Variants in ANK3 observed in about 807,000 individuals in gnomAD.
ANK3 encodes ankyrin 3, also known as ankyrin-3.
A neutral mutation model predicts 370.9 loss-of-function variants in ANK3; 57 were observed. The ratio of observed to expected loss-of-function variants is 0.15; its 90% confidence interval spans 0.12 to 0.19. The LOEUF (loss-of-function observed/expected upper bound fraction) is 0.19, where lower values mean the gene tolerates loss of function less well. Among genes scored for constraint, ANK3 ranks in the 10% least tolerant of loss-of-function variants. The pLI is 1.00. For missense variants in ANK3, 4,439 were observed against 5,302.1 expected (o/e 0.84, Z 5.06); for synonymous variants, 1,929 against 1,946.3 (o/e 0.99, Z 0.23).
intron 2 of ANK3, among the ~76,000 whole-genome samples, chr10:60,607,750 A>T (rs1222013830): frequency 1.3e-5 from 2 of 152,220 alleles, no homozygotes; most frequent in South Asian, 2.1e-4. Flanking sequence ...TTAGAATGCA[A>T]ATCTAGCAAA....
At chr10:60,349,792 T>A (rs930050984) in intron 1 of ANK3, among the ~76,000 whole-genome samples, 13 of 152,162 alleles carry the variant, frequency 8.5e-5, no homozygotes, top group Admixed American at 7.9e-4. Flanking sequence ...GGCACAAATA[T>A]TCATGGAAGA....
At chr10:60,078,398 G>A (rs979667743) in intron 36 of ANK3, among the ~76,000 whole-genome samples, 1 of 152,072 alleles carries the variant, frequency 6.6e-6, no homozygotes, top group Non-Finnish European at 1.5e-5. Flanking sequence ...GAAATGCCAC[G>A]CTGCAAATGG....
At chr10:60,299,230 G>T (rs913434010) in intron 1 of ANK3, among the ~76,000 whole-genome samples, 1 of 152,016 alleles carries the variant, frequency 6.6e-6, no homozygotes, top group Non-Finnish European at 1.5e-5. Context: ...TTCCATAAAG[G>T]TCACGAAAGG....
intron 2 of ANK3, among the ~76,000 whole-genome samples, chr10:60,455,552 G>A (rs1199829057): frequency 2.0e-5 from 3 of 152,076 alleles, no homozygotes; most frequent in Non-Finnish European, 4.4e-5. Context: ...TATGTTCATT[G>A]TTTAAATAGT....
intron 1 of ANK3, among the ~76,000 whole-genome samples, chr10:60,692,677 C>T (rs375174235): frequency 6.6e-6 from 1 of 152,150 alleles, no homozygotes; most frequent in Non-Finnish European, 1.5e-5. Context: ...CTGCAGTCAA[C>T]TTAATAAGGT....
At chr10:60,081,102 G>A (rs1342987317) in intron 35 of ANK3, among the ~76,000 whole-genome samples, 1 of 152,090 alleles carries the variant, frequency 6.6e-6, no homozygotes, top group Non-Finnish European at 1.5e-5. Context: ...GCAGAGGAGG[G>A]TAGGGACGGA....
chr10:60,141,559 C>CTTTTTTTT lies in ANK3; in HGVS notation c.2615-2473_2615-2472insAAAAAAAA, dbSNP rs2094555559. ...TACACTGGAGAGGCCATTTCAATTG[C>CTTTTTTTT]TGTTTTTTTTTTTTTTTTTTTTTTT... On this transcript the variant is annotated intron_variant, in intron 23 of 43. Transcript: ENST00000280772. Among the ~76,000 whole-genome samples, 2 of 61,162 alleles carry CTTTTTTTT rather than the reference C, an allele frequency of 3.3e-5. 1 individual carries two copies. The highest frequency in any genetic ancestry group is 1.6e-4 in the African/African-American group (2 of 12,696). 40.1% of individuals were successfully genotyped at this position (61,162 alleles called of 152,430 possible). A position where few individuals can be genotyped will look rare whatever the true frequency, so the allele number is the denominator to read the frequency against.
intron 2 of ANK3, among the ~76,000 whole-genome samples, chr10:60,560,070 G>GAA (rs2077299631): frequency 6.6e-6 from 1 of 152,032 alleles, no homozygotes; most frequent in Non-Finnish European, 1.5e-5. Flanking sequence ...GATGGATAGA[G>GAA]AGAGAGAGAG....
intron 1 of ANK3, among the ~76,000 whole-genome samples, chr10:60,353,746 C>T (rs1409593122): frequency 6.6e-6 from 1 of 152,188 alleles, no homozygotes; most frequent in African/African-American, 2.4e-5. Context: ...AAAGATCACA[C>T]GGGCAGTTTT....
intron 2 of ANK3, among the ~76,000 whole-genome samples, chr10:60,471,721 T>C (rs897758591): frequency 6.6e-6 from 1 of 152,126 alleles, no homozygotes; most frequent in Non-Finnish European, 1.5e-5. Context: ...AAGAAATTAA[T>C]AATTTTTTAC....
intron 7 of ANK3, among the ~76,000 whole-genome samples, chr10:60,241,300 G>C (rs764951557): frequency 5.9e-5 from 9 of 152,064 alleles, no homozygotes; most frequent in Admixed American, 5.2e-4. Flanking sequence ...TTTTGAATTT[G>C]ACCTGATTTA....
chr10:60,028,394 G>A lies in ANK3; in HGVS notation c.*1452C>T, dbSNP rs1255437420. On this transcript the variant is annotated 3_prime_UTR_variant, in exon 44 of 44. Coordinates refer to ENST00000280772, the MANE Select transcript of ANK3 (RefSeq NM_020987.5). ...CCAGAAAACACAAGGAGACTGTAGA[G>A]CACAGATAGGTGAAGAGTTTAACAC... 1 of 152,624 alleles carries A rather than the reference G, an allele frequency of 6.6e-6. No homozygotes were observed. The highest frequency in any genetic ancestry group is 2.4e-5 in the African/African-American group (1 of 41,446). The allele number at this position is 152,624 out of a possible 1,614,324, so 9.5% of individuals were successfully genotyped here.
At chr10:60,582,017 A>G (rs2077761206) in intron 2 of ANK3, among the ~76,000 whole-genome samples, 1 of 152,198 alleles carries the variant, frequency 6.6e-6, no homozygotes, top group Admixed American at 6.5e-5. Context: ...AAACTAACAC[A>G]GGAACAGAAA....
chr10:60,339,693 T>C (rs1187779362), intron 1 of ANK3, among the ~76,000 whole-genome samples: 3 of 152,208 alleles, frequency 2.0e-5, no homozygotes, highest in Non-Finnish European at 1.5e-5. Context: ...GTAGCTCTTC[T>C]GATTTGTCCA....
chr10:60,272,804 T>C (rs746180304), intron 4 of ANK3, among the ~76,000 whole-genome samples: 133 of 152,066 alleles, frequency 8.7e-4, no homozygotes, highest in Non-Finnish European at 1.5e-3. Context: ...AAAATAAGTG[T>C]TTTTCTTTCA....
chr10:60,138,175 A>C (rs1028565896), intron 24 of ANK3, among the ~76,000 whole-genome samples: 7 of 152,192 alleles, frequency 4.6e-5, no homozygotes, highest in Non-Finnish European at 7.4e-5. Flanking sequence ...TTAGACAATG[A>C]AACTTTCTAC....
chr10:60,435,178 A>G (rs944465310), intron 2 of ANK3, among the ~76,000 whole-genome samples: 6 of 152,162 alleles, frequency 3.9e-5, no homozygotes, highest in African/African-American at 1.2e-4. Flanking sequence ...ACAAAACAGT[A>G]TAGGATTACG....
At position 60,605,152 on chromosome 10, in the gene ANK3, A is replaced by ACG. The variant is rs565852364; in HGVS notation, c.96+10032_96+10033dup. ...CATTTTAAAAGCTTGAGCCTGGTAAACGTGATCAGTAAACTGAACTGGCAT... is the reference window on the plus strand; with the variant it reads ...CATTTTAAAAGCTTGAGCCTGGTAAACGCGTGATCAGTAAACTGAACTGGCAT... On this transcript the variant is annotated intron_variant, in intron 2 of 43. Coordinates refer to the ANK3 transcript ENST00000373827. Among the ~76,000 whole-genome samples, 261 of 152,302 alleles carry ACG rather than the reference A, an allele frequency of 1.7e-3. 1 individual carries two copies. Among genetic ancestry groups the ACG allele is most frequent in the Non-Finnish European group, 3.0e-3 (204 of 68,018 alleles).
Position 60,279,095 on chromosome 10 carries a change from A to C in ANK3, c.270T>G (p.Val90=). 6 of 1,613,962 alleles carry C rather than the reference A, an allele frequency of 3.7e-6. No individual in the cohort carries two copies. The highest frequency in any genetic ancestry group is 4.2e-6 in the Non-Finnish European group (5 of 1,179,914). The change falls in exon 3 of 44, where the codon GTT becomes GTG. Residue 90 remains valine, a synonymous_variant. Transcript: ENST00000280772. ...TGGCTTCTCTCTGCAGCAGCTCAGAAACAACCTCTACATGGCCTTCTTTGG... is the reference window on the plus strand; with the variant it reads ...TGGCTTCTCTCTGCAGCAGCTCAGACACAACCTCTACATGGCCTTCTTTGG... ...LASKEGHVEV[V]SELLQREANV...
Sources: allele counts gnomAD v4.1 joint callset (sites outside exome capture counted in the v4.1 genomes callset), GRCh38; gene constraint gnomAD v4.1.1; transcripts MANE v1.5; gene names NCBI Gene and HGNC (gene_info 2026-07-23, HGNC 2026-07-21).